Variants in KCTD20 observed in about 807,000 individuals in gnomAD.
KCTD20 encodes BTB/POZ domain-containing protein KCTD20.
In KCTD20, 30 loss-of-function variants were observed where a neutral mutation model predicts 39.6. The observed-to-expected ratio is 0.76, with a 90% CI of 0.57 to 1.03. The LOEUF (loss-of-function observed/expected upper bound fraction) is 1.03. KCTD20 is among the 50% of genes least tolerant of loss of function. The pLI is 0.00. For synonymous variants in KCTD20, 162 were observed against 180.6 expected, an observed-to-expected ratio of 0.90 and a Z score of 0.83; for missense variants, 422 against 522.0, an observed-to-expected ratio of 0.81 and a Z score of 1.87.
Position 36,449,387 on chromosome 6 carries a change from CTGATTGATAGA to C in KCTD20, c.-47+6277_-47+6287del, listed in dbSNP as rs1775164826. 2.6e-5 allele frequency among the ~76,000 whole-genome samples: 4 copies of C among 151,926 alleles called. No individual in the cohort carries two copies. The South Asian group carries it at 8.3e-4, about 32-fold the overall frequency. On this transcript the variant is annotated intron_variant, in intron 1 of 7. Coordinates refer to ENST00000373731, the MANE Select transcript of KCTD20 (RefSeq NM_173562.5). ...CAAACCTTTAGCTAGACACAGAGCG[CTGATTGATAGA>C]CACAGAGCGCTGATTCATGCGTTTT...
At chr6:36,470,012 G>A in intron 1 of KCTD20, 40 bp from the exon 2 acceptor site, 1 of 1,226,540 alleles carries the variant, frequency 8.2e-7, no homozygotes, top group Non-Finnish European at 1.1e-6. Context: ...TTAGAAATCT[G>A]TTTTGTGAGT....
chr6:36,469,670 A>T lies in KCTD20; in HGVS notation c.-46-382A>T, dbSNP rs1183632585. Among the ~76,000 whole-genome samples, 2 of 152,198 alleles carry T rather than the reference A, an allele frequency of 1.3e-5. No homozygotes were observed. The highest frequency in any genetic ancestry group is 4.8e-5 in the African/African-American group (2 of 41,448). On this transcript the variant is annotated intron_variant, in intron 1 of 7. Coordinates refer to ENST00000373731, the MANE Select transcript of KCTD20 (RefSeq NM_173562.5). The surrounding 1 kb of genome is among the most constrained non-coding windows in gnomAD (Gnocchi z 4.6). ...TTGCAACAGTGTATGTGTCAATTTT[A>T]AAAAAACATAGGTTTTCTTTAGTTG...
chr6:36,481,580 T>C lies in KCTD20; in HGVS notation c.677T>C (p.Leu226Pro). 6.2e-7 allele frequency: 1 copy of C among 1,614,172 alleles called. No individual in the cohort carries two copies. The highest frequency in any genetic ancestry group is 8.5e-7 in the Non-Finnish European group (1 of 1,179,980). Residue 226 changes from leucine (L) to proline (P), a missense_variant, in exon 6 of 8, where the codon CTG (leucine) becomes CCG (proline). By Grantham distance (98) the Leu-to-Pro change is moderately conservative. Coordinates refer to ENST00000373731, the MANE Select transcript of KCTD20 (RefSeq NM_173562.5). ...CQDLSALLHELSNDGAHKQFD... is the reference protein window; with the variant it reads ...CQDLSALLHEPSNDGAHKQFD... ...TCTGCAGGTGCTTTACTCCATGAAC[T>C]GTCTAATGACGGTGCTCATAAGCAG...
intron 1 of KCTD20, chr6:36,443,373 G>A (rs1040728984): frequency 2.0e-5 from 3 of 152,314 alleles, no homozygotes; most frequent in African/African-American, 7.2e-5. Flanking sequence ...CCCAGGTGGT[G>A]GGCACAGCTG....
At chr6:36,482,369 T>C (rs1165456701) in intron 6 of KCTD20, among the ~76,000 whole-genome samples, 1 of 151,660 alleles carries the variant, frequency 6.6e-6, no homozygotes, top group East Asian at 1.9e-4. Context: ...CTGGCCAACA[T>C]AGTGAAAGCC....
Position 36,488,405 on chromosome 6 carries a change from G to A in KCTD20, c.*1230G>A, listed in dbSNP as rs1208850038. 1 of 152,176 alleles carries A rather than the reference G, an allele frequency of 6.6e-6. No individual in the cohort carries two copies. Among genetic ancestry groups the A allele is most frequent in the African/African-American group, 2.4e-5 (1 of 41,434 alleles). The allele number at this position is 152,176 out of a possible 1,614,324, so 9.4% of individuals were successfully genotyped here. ...CAGATCACCCTCCTCAGCCCACACA[G>A]TGCTGAACCATCTTCCCTCCTGTTC... On this transcript the variant is annotated 3_prime_UTR_variant, in exon 8 of 8. Coordinates refer to ENST00000373731, the MANE Select transcript of KCTD20 (RefSeq NM_173562.5).
chr6:36,484,537 T>C (rs1561960820), intron 6 of KCTD20, among the ~76,000 whole-genome samples, 177 bp from the exon 7 acceptor site: 1 of 152,188 alleles, frequency 6.6e-6, no homozygotes, highest in Non-Finnish European at 1.5e-5. Flanking sequence ...GTCCCCACCC[T>C]GAGACTATAA....
intron 2 of KCTD20, among the ~76,000 whole-genome samples, chr6:36,472,599 A>G (rs1326707527): frequency 6.6e-6 from 1 of 151,526 alleles, no homozygotes; most frequent in African/African-American, 2.4e-5. Flanking sequence ...AATCTTGCCA[A>G]ATGTATGTAG....
intron 1 of KCTD20, among the ~76,000 whole-genome samples, chr6:36,456,301 C>T (rs183971705): frequency 8.0e-4 from 121 of 152,162 alleles, no homozygotes; most frequent in Middle Eastern, 6.8e-3. Flanking sequence ...TTTTTTGAGA[C>T]GGAGTCTTGT....
At chr6:36,480,410 C>CTTTTTTTTTTTTTTTT in intron 5 of KCTD20, among the ~76,000 whole-genome samples, 1 of 121,772 alleles carries the variant, frequency 8.2e-6, no homozygotes, top group Non-Finnish European at 1.7e-5. Context: ...ATGATATTGC[C>CTTTTTTTTTTTTTTTT]TTTTTTTTTT....
At chr6:36,468,151 C>G (rs930334268) in intron 1 of KCTD20, among the ~76,000 whole-genome samples, 5 of 152,098 alleles carry the variant, frequency 3.3e-5, no homozygotes, top group Admixed American at 2.0e-4. Context: ...TAATTAAATG[C>G]AAATACCTGT....
At chr6:36,486,808 G>A (rs903354385) in intron 7 of KCTD20, 75 bp from the exon 8 acceptor site, 2 of 1,216,366 alleles carry the variant, frequency 1.6e-6, no homozygotes, top group Admixed American at 1.9e-5. Context: ...AACTGATGTG[G>A]TTAGGAAGGA....
chr6:36,472,286 G>A (rs527412632), intron 2 of KCTD20, among the ~76,000 whole-genome samples: 1 of 152,312 alleles, frequency 6.6e-6, no homozygotes, highest in South Asian at 2.1e-4. Context: ...GCAAACATGA[G>A]ACCACATTGA....
chr6:36,483,257 CTTTTTCTTTTTTT>C (rs1232738057), intron 6 of KCTD20, among the ~76,000 whole-genome samples: 19 of 123,724 alleles, frequency 1.5e-4, no homozygotes, highest in African/African-American at 6.1e-4. Flanking sequence ...AAAACAGTGG[CTTTTTCTTTTTTT>C]TTTTTTTTTT....
chr6:36,450,176 AAAAAAAAAAAAAAAG>A (rs1353499814), intron 1 of KCTD20, among the ~76,000 whole-genome samples: 25 of 32,918 alleles, frequency 7.6e-4, no homozygotes, highest in Non-Finnish European at 2.2e-3. Context: ...AAAAAAAAAA[AAAAAAAAAAAAAAAG>A]AAGTTATGTA....
intron 1 of KCTD20, among the ~76,000 whole-genome samples, chr6:36,454,058 T>G (rs1016638004): frequency 6.6e-6 from 1 of 152,226 alleles, no homozygotes; most frequent in Non-Finnish European, 1.5e-5. Flanking sequence ...TTCAATCTTT[T>G]GAAATGTATT....
At chr6:36,449,508 G>C (rs993801014) in intron 1 of KCTD20, among the ~76,000 whole-genome samples, 1 of 151,986 alleles carries the variant, frequency 6.6e-6, no homozygotes, top group South Asian at 2.1e-4. Context: ...GCTGATTGGT[G>C]CATTTATAAT....
intron 6 of KCTD20, 107 bp from the exon 7 acceptor site, chr6:36,484,607 T>C: frequency 1.7e-6 from 1 of 582,498 alleles, no homozygotes; most frequent in Non-Finnish European, 3.1e-6. Flanking sequence ...TCTGGATTAT[T>C]TGGGATTAGG....
chr6:36,446,024 G>GGTTTTTT (rs1775029863), intron 1 of KCTD20, among the ~76,000 whole-genome samples: 1 of 126,538 alleles, frequency 7.9e-6, no homozygotes, highest in Non-Finnish European at 1.6e-5. Flanking sequence ...TATGAACTCA[G>GGTTTTTT]TTTTTTTTTT....
Sources: allele counts gnomAD v4.1 joint callset (sites outside exome capture counted in the v4.1 genomes callset), GRCh38; gene constraint gnomAD v4.1.1; non-coding constraint Gnocchi (gnomAD v3.1); transcripts MANE v1.5; gene names NCBI Gene and HGNC (gene_info 2026-07-23, HGNC 2026-07-21).